The following RTF1 variants were observed in gnomAD, a reference collection of about 807,000 sequenced individuals.
RTF1 encodes RTF1 homolog, Paf1/RNA polymerase II complex component.
A neutral mutation model predicts 95.7 loss-of-function variants in RTF1; 10 were observed. The ratio of observed to expected loss-of-function variants is 0.10; its 90% CI spans 0.06 to 0.18. The LOEUF is 0.18. Ranked by LOEUF, RTF1 falls within the 10% of genes least tolerant of loss-of-function variation. The pLI is 1.00. For missense variants in RTF1, 458 were observed against 875.6 expected (o/e 0.52, Z 6.02); for synonymous variants, 305 against 311.8 (o/e 0.98, Z 0.23).
intron 2 of RTF1, among the ~76,000 whole-genome samples, chr15:41,449,812 A>G (rs2050781371): frequency 1.3e-5 from 2 of 152,144 alleles, no homozygotes; most frequent in Non-Finnish European, 2.9e-5. Flanking sequence ...AAACGAAAAG[A>G]AAACAAAAAG....
chr15:41,442,168 T>A (rs1362721067), intron 2 of RTF1, among the ~76,000 whole-genome samples: 1 of 151,212 alleles, frequency 6.6e-6, no homozygotes, highest in Admixed American at 6.6e-5. Context: ...CCTTTCATAA[T>A]GATTTTTTTT....
Position 41,461,787 on chromosome 15 carries a change from C to T in RTF1, c.663-2984C>T, listed in dbSNP as rs137870175. On this transcript the variant is annotated intron_variant, in intron 4 of 17. Transcript: ENST00000389629. Reference sequence around the variant, plus strand: ...TACAGGTGTGAGCCACCGTGCCCGCCGGCCTGGCTAATTTTTCATATTGGC... The same window carrying T: ...TACAGGTGTGAGCCACCGTGCCCGCTGGCCTGGCTAATTTTTCATATTGGC... 1.3e-3 allele frequency among the ~76,000 whole-genome samples: 197 copies of T among 152,004 alleles called. 1 individual carries two copies. The highest frequency in any genetic ancestry group is 2.4e-3 in the Non-Finnish European group (165 of 67,982).
rs529781257 is a variant in RTF1 at position 41,457,879 on chromosome 15, A to G, written c.662+3A>G. ...AAGAGGGAGGTGTTGAAAAGAAGGT[A>G]AGGTTGTCCTCGTCGTTGTCCCCCC... On this transcript the variant is annotated splice_donor_region_variant and intron_variant, in intron 4 of 17. Coordinates refer to ENST00000389629, the MANE Select transcript of RTF1 (RefSeq NM_015138.5). 5.0e-6 allele frequency: 8 copies of G among 1,611,226 alleles called. No individual in the cohort carries two copies. Among genetic ancestry groups the G allele is most frequent in the Non-Finnish European group, 6.8e-6 (8 of 1,178,698 alleles).
intron 4 of RTF1, among the ~76,000 whole-genome samples, chr15:41,460,767 C>A (rs2050843422): frequency 6.6e-6 from 1 of 151,742 alleles, no homozygotes; most frequent in Non-Finnish European, 1.5e-5. Flanking sequence ...GAACTCGGCT[C>A]ACTACAATTG....
intron 3 of RTF1, 93 bp downstream of exon 3, chr15:41,453,141 C>G (rs368081426): frequency 3.8e-6 from 4 of 1,045,290 alleles, no homozygotes; most frequent in African/African-American, 3.2e-5. Context: ...GGGGTACTTG[C>G]ATTCAGCATG....
chr15:41,435,829 A>G (rs936127275), intron 1 of RTF1, among the ~76,000 whole-genome samples: 10 of 152,208 alleles, frequency 6.6e-5, no homozygotes, highest in African/African-American at 2.2e-4. Flanking sequence ...GTTAAGGAAT[A>G]TTACTACTAG....
chr15:41,429,017 G>A lies in RTF1; in HGVS notation c.199-9304G>A, dbSNP rs537468951. 3.3e-5 allele frequency among the ~76,000 whole-genome samples: 5 copies of A among 152,168 alleles called. No homozygotes were observed. In the East Asian group the frequency reaches 7.7e-4, roughly 24 times the overall value. ...CTCCCAAAGTGCTGGGATTACAGGC[G>A]TGAGCCACCACTCCTGGCCACAGCG... On this transcript the variant is annotated intron_variant, in intron 1 of 17. Transcript: ENST00000389629.
At chr15:41,478,841 T>C (rs1312325786) in intron 15 of RTF1, 1 of 608,118 alleles carries the variant, frequency 1.6e-6, no homozygotes, top group African/African-American at 1.9e-5. Flanking sequence ...TAGTGACTGA[T>C]CCTCCTGTAT....
intron 1 of RTF1, among the ~76,000 whole-genome samples, chr15:41,431,010 C>T (rs2050668248): frequency 6.6e-6 from 1 of 151,618 alleles, no homozygotes; most frequent in Non-Finnish European, 1.5e-5. Flanking sequence ...TCAAGCGATT[C>T]TCCTTGCCTC....
chr15:41,455,625 T>G (rs986759552), intron 3 of RTF1, among the ~76,000 whole-genome samples: 12 of 151,428 alleles, frequency 7.9e-5, no homozygotes, highest in African/African-American at 2.9e-4. Context: ...GCCAACACAG[T>G]GAGACCCTGT....
In RTF1 at chr15:41,466,245, C is replaced by T; in HGVS notation, c.882C>T (p.Asn294=). The change falls in exon 6 of 18, where the codon AAC becomes AAT. Residue 294 remains asparagine, a synonymous_variant. Transcript: ENST00000389629. ...ELKAEREKRK[N]RTAELLAKKQ... ...AAGCAGAGCGAGAAAAACGAAAGAA[C>T]AGAACAGGTAAGCGAGGGAAATATA... 1 of 1,572,890 alleles carries T rather than the reference C, an allele frequency of 6.4e-7. No homozygotes were observed.
intron 2 of RTF1, among the ~76,000 whole-genome samples, chr15:41,440,527 G>T (rs1224253937): frequency 8.1e-6 from 1 of 122,718 alleles, no homozygotes; most frequent in African/African-American, 3.2e-5. Flanking sequence ...GTCTCGCTCT[G>T]TTGCCAGGCT....
At chr15:41,422,476 T>C (rs1204196335) in intron 1 of RTF1, among the ~76,000 whole-genome samples, 4 of 152,190 alleles carry the variant, frequency 2.6e-5, no homozygotes, top group Non-Finnish European at 4.4e-5. Flanking sequence ...CTGGGCTCTA[T>C]GTCATCTCCC....
intron 8 of RTF1, among the ~76,000 whole-genome samples, chr15:41,472,296 T>G (rs2050916773): frequency 6.6e-6 from 1 of 151,412 alleles, no homozygotes; most frequent in African/African-American, 2.4e-5. Context: ...AACCTCCGCC[T>G]CCTGGGTTCA....
At position 41,438,513 on chromosome 15, in the gene RTF1, C is replaced by T. The variant is rs906646282; in HGVS notation, c.309+82C>T. The T allele has an allele frequency of 9.5e-6, 8 of 844,362 alleles. No homozygotes were observed. In the Admixed American group the frequency reaches 1.8e-4, roughly 20 times the overall value. 52.3% of individuals were successfully genotyped at this position (844,362 alleles called of 1,614,324 possible). A position where few individuals can be genotyped will look rare whatever the true frequency, so the allele number is the denominator to read the frequency against. ...TGGTGGCTCCTGTTGGCCTCATTTC[C>T]TTAAATGGAGACTTACAGCCTAAGA... On this transcript the variant is annotated intron_variant, in intron 2 of 17. Coordinates refer to ENST00000389629, the MANE Select transcript of RTF1 (RefSeq NM_015138.5).
In RTF1 at chr15:41,417,145, A is replaced by AGCG. The variant is rs780146659; in HGVS notation, c.45_47dup (p.Ala16dup). On this transcript the variant is annotated inframe_insertion, in exon 1 of 18. Coordinates refer to ENST00000389629, the MANE Select transcript of RTF1 (RefSeq NM_015138.5). ...GCGGTCGCCTTTGTGTGGGTCGAGC[A>AGCG]GCGGCGGCGGCGGCGGCAGTGGCGG... 234 of 1,258,374 alleles carry AGCG rather than the reference A, an allele frequency of 1.9e-4. No homozygotes were observed. The highest frequency in any genetic ancestry group is 1.8e-3 in the Middle Eastern group (6 of 3,418). 78.0% of individuals were successfully genotyped at this position (1,258,374 alleles called of 1,614,324 possible).
At chr15:41,461,168 C>T (rs1854650460) in intron 4 of RTF1, among the ~76,000 whole-genome samples, 1 of 151,748 alleles carries the variant, frequency 6.6e-6, no homozygotes, top group African/African-American at 2.4e-5. Flanking sequence ...TCAGCCTCCC[C>T]TGTAGCTGGG....
intron 2 of RTF1, among the ~76,000 whole-genome samples, chr15:41,444,435 A>AG (rs1432435672): frequency 6.6e-6 from 1 of 151,874 alleles, no homozygotes. Flanking sequence ...CTGGGATTAC[A>AG]GGCGCCTGCC....
At position 41,430,909 on chromosome 15, in the gene RTF1, T is replaced by G. The variant is rs950107711; in HGVS notation, c.199-7412T>G. Among the ~76,000 whole-genome samples the G allele has an allele frequency of 3.3e-5, 5 of 152,206 alleles. No homozygotes were observed. In the South Asian group the frequency reaches 6.2e-4, roughly 19 times the overall value. On this transcript the variant is annotated intron_variant, in intron 1 of 17. Transcript: ENST00000389629. Reference sequence around the variant, plus strand: ...CATACTATTGTGGGTTTTCTTTTCTTTTTTTTGTATTGAGACAGAGTCTTG... The same window carrying G: ...CATACTATTGTGGGTTTTCTTTTCTGTTTTTTGTATTGAGACAGAGTCTTG...
Sources: gnomAD v4.1 joint callset for allele counts (sites outside exome capture counted in the v4.1 genomes callset) on GRCh38, gnomAD v4.1.1 for gene constraint, MANE v1.5 for transcripts, NCBI Gene and HGNC (gene_info 2026-07-23, HGNC 2026-07-21) for gene names.